The following RGS6 variants were observed in gnomAD, a reference collection of about 807,000 sequenced individuals.
The protein encoded by RGS6 is regulator of G-protein signaling 6.
RGS6 carries 30 observed loss-of-function variants against 78.5 expected under a neutral mutation model. The ratio of observed to expected loss-of-function variants is 0.38; its 90% CI spans 0.29 to 0.52. The LOEUF (loss-of-function observed/expected upper bound fraction) is 0.52, where lower values mean the gene tolerates loss of function less well. Among genes scored for constraint, RGS6 ranks in the 20% least tolerant of loss-of-function variants. RGS6 has a pLI of 0.85. For synonymous variants in RGS6, 206 were observed against 206.0 expected, an observed-to-expected ratio of 1.00 and a Z score of 0.00; for missense variants, 495 against 609.7, an observed-to-expected ratio of 0.81 and a Z score of 1.98.
At chr14:72,070,227 T>G (rs901968202) in intron 2 of RGS6, among the ~76,000 whole-genome samples, 4 of 152,186 alleles carry the variant, frequency 2.6e-5, no homozygotes, top group African/African-American at 7.2e-5. Context: ...CTGTTCATTT[T>G]TCTTACAGCT....
At chr14:72,016,609 C>T (rs1344023565) in intron 2 of RGS6, among the ~76,000 whole-genome samples, 1 of 152,208 alleles carries the variant, frequency 6.6e-6, no homozygotes, top group Non-Finnish European at 1.5e-5. Flanking sequence ...TCGTGATCCG[C>T]CCTCCTCGGC....
chr14:71,910,049 G>T, the RGS6 span, among the ~76,000 whole-genome samples: 56 of 152,226 alleles, frequency 3.7e-4, 1 homozygote, highest in East Asian at 0.011. Context: ...AATTAGCCAG[G>T]TGTGGTGGCA....
chr14:72,364,511 A>T (rs548301056), intron 3 of RGS6, among the ~76,000 whole-genome samples: 17 of 152,310 alleles, frequency 1.1e-4, no homozygotes, highest in African/African-American at 4.1e-4. Flanking sequence ...TCCCATCACA[A>T]ACCAGCAGAT....
At chr14:72,065,039 C>T (rs922909735) in intron 2 of RGS6, among the ~76,000 whole-genome samples, 21 of 151,978 alleles carry the variant, frequency 1.4e-4, no homozygotes, top group South Asian at 1.0e-3. Context: ...TTAAAATCCG[C>T]GGTGTTTTCA....
the RGS6 span, among the ~76,000 whole-genome samples, chr14:71,889,152 G>A: frequency 3.9e-5 from 6 of 152,056 alleles, no homozygotes; most frequent in African/African-American, 1.4e-4. Context: ...GTGGTCCAGG[G>A]GAGAGGAGAA....
At chr14:72,453,772 A>G (rs2095557791) in intron 3 of RGS6, among the ~76,000 whole-genome samples, 1 of 151,908 alleles carries the variant, frequency 6.6e-6, no homozygotes, top group African/African-American at 2.4e-5. Flanking sequence ...AGAGCCCCAC[A>G]TGGGCGTAAT....
intron 17 of RGS6, among the ~76,000 whole-genome samples, chr14:72,546,095 C>T (rs1402113547): frequency 1.3e-5 from 2 of 152,190 alleles, no homozygotes; most frequent in Admixed American, 6.5e-5. Context: ...TCTGGTTCCC[C>T]AGGGAACCCT....
At chr14:71,935,637 A>G (rs1467845570) in intron 1 of RGS6, among the ~76,000 whole-genome samples, 2 of 152,130 alleles carry the variant, frequency 1.3e-5, no homozygotes, top group Non-Finnish European at 1.5e-5. Flanking sequence ...TTTAGGGATT[A>G]AAGCATCAGA....
In RGS6 at chr14:72,454,560, C is replaced by A. The variant is rs192421686; in HGVS notation, c.217C>A (p.Leu73Ile). ...CATTGTGCAGTGGCTTATGAAGAACCTTTCCATTGAGGACCCAGGTACTTG... is the reference window on the plus strand; with the variant it reads ...CATTGTGCAGTGGCTTATGAAGAACATTTCCATTGAGGACCCAGGTACTTG... ...TDIVQWLMKN[L>I]SIEDPVEAIH... Residue 73 changes from leucine to isoleucine, a missense_variant, in exon 4 of 18, where the codon CTT becomes ATT. Coordinates refer to ENST00000553525, the MANE Select transcript of RGS6 (RefSeq NM_001204424.2). 2 of 1,614,032 alleles carry A rather than the reference C, an allele frequency of 1.2e-6. No homozygotes were observed. Among genetic ancestry groups the A allele is most frequent in the Admixed American group, 1.7e-5 (1 of 60,008 alleles).
rs532263663 is a variant in RGS6, at chr14:72,080,533, C to T, written c.84+115658C>T. 2.0e-5 allele frequency among the ~76,000 whole-genome samples: 3 copies of T among 152,128 alleles called. No individual in the cohort carries two copies. In the South Asian group the frequency reaches 6.2e-4, roughly 32 times the overall value. ...AGCTTTTTAGTTTGATGTAATCCCA[C>T]TTATCTATTTTTTGCTTTTGTTGCC... On this transcript the variant is annotated intron_variant, in intron 2 of 17. Coordinates refer to ENST00000553525, the MANE Select transcript of RGS6 (RefSeq NM_001204424.2).
the RGS6 span, among the ~76,000 whole-genome samples, chr14:71,897,620 A>G: frequency 4.0e-4 from 61 of 152,220 alleles, no homozygotes; most frequent in African/African-American, 1.4e-3. Flanking sequence ...TCCTGGGTTC[A>G]AGTGATTTTC....
chr14:72,181,718 A>G (rs907544715), intron 2 of RGS6, among the ~76,000 whole-genome samples: 1 of 152,220 alleles, frequency 6.6e-6, no homozygotes, highest in Non-Finnish European at 1.5e-5. Context: ...GGTTCTCTAT[A>G]ACCTTGAATA....
intron 2 of RGS6, among the ~76,000 whole-genome samples, chr14:72,025,460 T>G (rs139372839): frequency 2.4e-4 from 37 of 152,184 alleles, no homozygotes; most frequent in Non-Finnish European, 5.0e-4. Flanking sequence ...ATATTAATGT[T>G]GGGAATATCA....
At chr14:72,445,603 A>G (rs1263554919) in intron 3 of RGS6, among the ~76,000 whole-genome samples, 1 of 152,166 alleles carries the variant, frequency 6.6e-6, no homozygotes, top group Non-Finnish European at 1.5e-5. Context: ...TTCAAGGGCC[A>G]CAAAACAATT....
chr14:72,472,065 CAGTAA>C (rs769227671), intron 8 of RGS6, among the ~76,000 whole-genome samples: 3 of 151,090 alleles, frequency 2.0e-5, no homozygotes, highest in African/African-American at 7.3e-5. Flanking sequence ...TATTTCAGTC[CAGTAA>C]AGTAAAGCGT....
chr14:71,966,470 C>T (rs1416395936), intron 2 of RGS6, among the ~76,000 whole-genome samples: 1 of 152,174 alleles, frequency 6.6e-6, no homozygotes, highest in Non-Finnish European at 1.5e-5. Flanking sequence ...GACATTGAGT[C>T]ATTGTTACTT....
intron 3 of RGS6, among the ~76,000 whole-genome samples, chr14:72,430,018 C>T (rs1024471643): frequency 9.9e-5 from 15 of 152,276 alleles, no homozygotes; most frequent in East Asian, 1.9e-4. Flanking sequence ...CTGAGGCCTC[C>T]GCAGCCATGC....
chr14:72,339,972 T>G (rs1249842103), intron 2 of RGS6, among the ~76,000 whole-genome samples: 1 of 152,140 alleles, frequency 6.6e-6, no homozygotes, highest in Non-Finnish European at 1.5e-5. Context: ...TCCTGGGGAC[T>G]GTTCTTCTTT....
intron 2 of RGS6, among the ~76,000 whole-genome samples, chr14:72,320,374 C>G (rs986905313): frequency 6.6e-6 from 1 of 151,856 alleles, no homozygotes; most frequent in Admixed American, 6.6e-5. Flanking sequence ...GTCGGGAGAT[C>G]GAGACCATCC....
Sources: allele counts gnomAD v4.1 joint callset (sites outside exome capture counted in the v4.1 genomes callset), GRCh38; gene constraint gnomAD v4.1.1; transcripts MANE v1.5; gene names NCBI Gene and HGNC (gene_info 2026-07-23, HGNC 2026-07-21).